The following XKR5 variants were observed in gnomAD, a reference collection of about 807,000 sequenced individuals.
The protein encoded by XKR5 is XK related 5, also known as XK-related protein 5.
In XKR5, 46 loss-of-function variants were observed where a neutral mutation model predicts 40.8. That is an observed-to-expected ratio of 1.13 (90% CI 0.89 to 1.44). The LOEUF (loss-of-function observed/expected upper bound fraction) is 1.44. Ranked by LOEUF, XKR5 falls within the 40% of genes most tolerant of loss-of-function variation. The pLI is 0.00. For synonymous variants in XKR5, 466 were observed against 356.1 expected, an observed-to-expected ratio of 1.31 and a Z score of -3.48; for missense variants, 1,169 against 844.7, an observed-to-expected ratio of 1.38 and a Z score of -4.76.
At chr8:6,835,370 G>T in intron 1 of XKR5, 66 bp downstream of exon 1, 1 of 1,348,224 alleles carries the variant, frequency 7.4e-7, no homozygotes, top group Non-Finnish European at 9.5e-7. Context: ...AGCCTGTGCG[G>T]CTCCCGGCGC....
rs1387972510 is a variant in XKR5 at position 6,812,165 on chromosome 8, T to C, written c.1094A>G (p.Gln365Arg). ...GKRTESSGSC[Q>R]GASYEPTILG... ...AATGGTTGGTTCATAACTTGCCCCT[T>C]GGCATGAGCCTGAGCTCTCGGTTCT... The change falls in exon 7 of 7, where the codon CAA becomes CGA. Residue 365 changes from glutamine to arginine, a missense_variant. By Grantham distance (43) the Gln-to-Arg change is conservative. Coordinates refer to ENST00000618742, the MANE Select transcript of XKR5 (RefSeq NM_207411.5). 1 of 1,551,584 alleles carries C rather than the reference T, an allele frequency of 6.4e-7. No homozygotes were observed. The highest frequency in any genetic ancestry group is 2.0e-5 in the Admixed American group (1 of 50,984).
intron 6 of XKR5, among the ~76,000 whole-genome samples, chr8:6,815,027 G>C (rs1803895019): frequency 6.6e-6 from 1 of 152,222 alleles, no homozygotes; most frequent in African/African-American, 2.4e-5. Context: ...TGTTGCAGAG[G>C]ACTGGGGAAT....
chr8:6,832,032 A>T, intron 2 of XKR5, among the ~76,000 whole-genome samples: 1 of 145,986 alleles, frequency 6.8e-6, no homozygotes, highest in Non-Finnish European at 1.5e-5. Flanking sequence ...AAAAAAAAAA[A>T]AAACAAACCT....
intron 5 of XKR5, among the ~76,000 whole-genome samples, chr8:6,820,147 C>G (rs1248968731): frequency 6.6e-6 from 1 of 152,214 alleles, no homozygotes; most frequent in Admixed American, 6.5e-5. Context: ...CTTAGCTGGT[C>G]GGGCAGCAAG....
rs1168416110 is a variant in XKR5 at position 6,813,128 on chromosome 8, A to G, written c.920-789T>C. Among the ~76,000 whole-genome samples, 3 of 152,170 alleles carry G rather than the reference A, an allele frequency of 2.0e-5. No individual in the cohort carries two copies. In the East Asian group the frequency reaches 5.8e-4, roughly 29 times the overall value. ...ATTGCAGCATGACAGAGCTAGAAAG[A>G]CTGCCTGAAGGACATCCCCAGCCCC... On this transcript the variant is annotated intron_variant, in intron 6 of 6. Transcript: ENST00000618742.
Position 6,812,655 on chromosome 8 carries a change from T to G in XKR5, c.920-316A>C, listed in dbSNP as rs374261445. The stretch of plus-strand genomic sequence containing the variant: ...GTGTGAGTGTGCATTCATGCATGTG[T>G]GTGTGCGTGTGTACACACAGGTACA... On this transcript the variant is annotated intron_variant, in intron 6 of 6. Transcript: ENST00000618742. Among the ~76,000 whole-genome samples, 110 of 152,360 alleles carry G rather than the reference T, an allele frequency of 7.2e-4. 2 individuals are homozygous for G. The South Asian group carries it at 0.021, about 29-fold the overall frequency.
intron 5 of XKR5, among the ~76,000 whole-genome samples, chr8:6,818,602 C>T (rs756943266): frequency 2.4e-4 from 37 of 152,270 alleles, no homozygotes; most frequent in Non-Finnish European, 1.9e-4. Context: ...GAGGTGAGGA[C>T]AGTTGAGTAG....
intron 5 of XKR5, among the ~76,000 whole-genome samples, chr8:6,819,329 C>T (rs1804117744): frequency 6.6e-6 from 1 of 152,214 alleles, no homozygotes; most frequent in African/African-American, 2.4e-5. Flanking sequence ...TTTCGGATGG[C>T]AGCACGGGTC....
rs1454629726 is a variant in XKR5 at position 6,810,964 on chromosome 8, C to T, written c.*234G>A. On this transcript the variant is annotated 3_prime_UTR_variant, in exon 7 of 7. Transcript: ENST00000618742. ...ATTTTGACTGGAATCTCTTTCTCCT[C>T]CTCTAAAGTATGTTAGAGTCTCTCC... The T allele has an allele frequency of 2.5e-6, 1 of 406,140 alleles. No homozygotes were observed. The highest frequency in any genetic ancestry group is 4.4e-6 in the Non-Finnish European group (1 of 229,336). 25.2% of individuals were successfully genotyped at this position (406,140 alleles called of 1,614,324 possible).
chr8:6,819,769 T>G (rs933045140), intron 5 of XKR5, among the ~76,000 whole-genome samples: 21 of 152,174 alleles, frequency 1.4e-4, no homozygotes, highest in African/African-American at 4.3e-4. Context: ...TATGTGTTAT[T>G]TCACCTCTTT....
chr8:6,830,851 G>A (rs954772125), intron 2 of XKR5, among the ~76,000 whole-genome samples: 1 of 152,140 alleles, frequency 6.6e-6, no homozygotes, highest in Admixed American at 6.5e-5. Flanking sequence ...AAGAGTGCAT[G>A]GGAAAGACAG....
chr8:6,822,764 G>T (rs1804298027), intron 4 of XKR5, among the ~76,000 whole-genome samples: 1 of 152,328 alleles, frequency 6.6e-6, no homozygotes, highest in South Asian at 2.1e-4. Flanking sequence ...GAGCCAGATA[G>T]ACTCTCTGTC....
intron 1 of XKR5, 93 bp downstream of exon 1, chr8:6,835,343 C>T (rs1804964950): frequency 1.1e-5 from 14 of 1,277,854 alleles, no homozygotes; most frequent in Non-Finnish European, 1.3e-5. Context: ...TGGGGCAGTG[C>T]CCGCCCGGGC....
chr8:6,830,307 A>G (rs547325571), intron 2 of XKR5, among the ~76,000 whole-genome samples: 1 of 152,326 alleles, frequency 6.6e-6, no homozygotes, highest in South Asian at 2.1e-4. Flanking sequence ...TAGAATTGCA[A>G]TTTGGAAAGC....
Position 6,811,476 on chromosome 8 carries a change from T to C in XKR5, c.1783A>G (p.Met595Val). 1 of 1,529,758 alleles carries C rather than the reference T, an allele frequency of 6.5e-7. No individual in the cohort carries two copies. Among genetic ancestry groups the C allele is most frequent in the East Asian group, 2.4e-5 (1 of 40,848 alleles). 94.8% of individuals were successfully genotyped at this position (1,529,758 alleles called of 1,614,324 possible). A position where few individuals can be genotyped will look rare whatever the true frequency, so the allele number is the denominator to read the frequency against. ...PVGLAPFPDT[M>V]ADISPILGTG... ...CCTAGGATGGGGCTAATGTCGGCCA[T>C]GGTGTCGGGGAAGGGCGCCAAGCCC... is the stretch of plus-strand genomic sequence containing the variant. The change falls in exon 7 of 7, where the codon ATG becomes GTG. Residue 595 changes from methionine (M) to valine (V), a missense_variant. Physicochemically the swap from Met to Val is conservative, Grantham distance 21. Coordinates refer to ENST00000618742, the MANE Select transcript of XKR5 (RefSeq NM_207411.5).
At chr8:6,832,632 A>G in intron 2 of XKR5, 85 bp downstream of exon 2, 4 of 1,545,076 alleles carry the variant, frequency 2.6e-6, no homozygotes, top group Non-Finnish European at 1.8e-6. Flanking sequence ...TATGAGCTTG[A>G]GGACAGAATC....
rs905669499 is a variant in XKR5 at position 6,823,836 on chromosome 8, G to C, written c.428-106C>G. ...TCTTTAATGGGATGTGTAACCTCTT[G>C]TTAAAGCCTGGCTGCACAGAGAGTA... On this transcript the variant is annotated intron_variant, in intron 3 of 6. Transcript: ENST00000618742. 8 of 979,482 alleles carry C rather than the reference G, an allele frequency of 8.2e-6. No individual in the cohort carries two copies. The East Asian group carries it at 1.1e-4, about 13-fold the overall frequency. The allele number at this position is 979,482 out of a possible 1,614,324, so 60.7% of individuals were successfully genotyped here.
In XKR5 at chr8:6,812,282, C is replaced by T. The variant is rs376302072; in HGVS notation, c.977G>A (p.Trp326Ter). Residue 326 changes from tryptophan to a stop codon, truncating the protein, a stop_gained, in exon 7 of 7, where the codon TGG becomes TAG. Coordinates refer to ENST00000618742, the MANE Select transcript of XKR5 (RefSeq NM_207411.5). LOFTEE classifies it low-confidence loss of function (END_TRUNC). The stretch of plus-strand genomic sequence containing the variant: ...ACAGGACTTCCTTAGGCAGCCCTGC[C>T]AGATGTCTGTGGATTTTGGATGCAG... ...SLLHPKSTDI[W>*]QGCLRKSCGI... 135 of 1,554,248 alleles carry T rather than the reference C, an allele frequency of 8.7e-5. No homozygotes were observed. In the African/African-American group the frequency reaches 1.6e-3, roughly 18 times the overall value.
intron 5 of XKR5, among the ~76,000 whole-genome samples, chr8:6,819,721 C>G (rs1563353097): frequency 6.6e-6 from 1 of 152,162 alleles, no homozygotes; most frequent in Non-Finnish European, 1.5e-5. Context: ...GGCAGGCACT[C>G]TTGAAATGTC....
Sources: gnomAD v4.1 joint callset for allele counts (sites outside exome capture counted in the v4.1 genomes callset) on GRCh38, gnomAD v4.1.1 for gene constraint, MANE v1.5 for transcripts, NCBI Gene and HGNC (gene_info 2026-07-23, HGNC 2026-07-21) for gene names.